The following SNX29 variants were observed in gnomAD, a reference collection of about 807,000 sequenced individuals.
SNX29 encodes the protein sorting nexin-29.
In SNX29, 78 loss-of-function variants were observed where a neutral mutation model predicts 102.1. The observed-to-expected ratio is 0.76, with a 90% CI of 0.64 to 0.92. The LOEUF (loss-of-function observed/expected upper bound fraction) is 0.92. Ranked by LOEUF, SNX29 falls within the 40% of genes least tolerant of loss-of-function variation. SNX29 has a pLI of 0.00. For synonymous variants in SNX29, 580 were observed against 414.5 expected, an observed-to-expected ratio of 1.40 and a Z score of -4.85; for missense variants, 1,280 against 1,061.7, an observed-to-expected ratio of 1.21 and a Z score of -2.86.
intron 14 of SNX29, among the ~76,000 whole-genome samples, chr16:12,235,135 T>C (rs2077887480): frequency 6.6e-6 from 1 of 152,208 alleles, no homozygotes; most frequent in East Asian, 1.9e-4. Context: ...TTCTAAGCTG[T>C]TGACCTTATC....
intron 16 of SNX29, among the ~76,000 whole-genome samples, chr16:12,396,959 C>G (rs2083746044): frequency 6.6e-6 from 1 of 152,214 alleles, no homozygotes; most frequent in South Asian, 2.1e-4. Context: ...CAGGTTAGGT[C>G]ACTGCAGCCT....
At chr16:12,079,969 C>G (rs1208604281) in intron 11 of SNX29, among the ~76,000 whole-genome samples, 1 of 152,166 alleles carries the variant, frequency 6.6e-6, no homozygotes, top group Admixed American at 6.5e-5. Flanking sequence ...ATAGTATTTT[C>G]TTCAATCATG....
intron 14 of SNX29, among the ~76,000 whole-genome samples, chr16:12,227,987 A>G (rs1417509462): frequency 2.7e-5 from 4 of 147,172 alleles, no homozygotes; most frequent in African/African-American, 1.0e-4. Flanking sequence ...CATGTTAGAG[A>G]GGCAGGATGT....
At chr16:12,521,504 A>G (rs1054083668) in intron 19 of SNX29, among the ~76,000 whole-genome samples, 1 of 152,108 alleles carries the variant, frequency 6.6e-6, no homozygotes, top group African/African-American at 2.4e-5. Context: ...CACCCCACAT[A>G]TAGTAGGAAG....
intron 13 of SNX29, among the ~76,000 whole-genome samples, chr16:12,137,604 C>A (rs2054709668): frequency 6.6e-6 from 1 of 152,198 alleles, no homozygotes; most frequent in African/African-American, 2.4e-5. Flanking sequence ...TATTGGCTTT[C>A]TATGAAGGCT....
At chr16:12,290,804 G>C (rs1174941441) in intron 15 of SNX29, among the ~76,000 whole-genome samples, 1 of 152,106 alleles carries the variant, frequency 6.6e-6, no homozygotes, top group Non-Finnish European at 1.5e-5. Context: ...TAGGAGAGTG[G>C]GGATGAGTTT....
chr16:12,172,732 G>A (rs2076176533), intron 13 of SNX29, among the ~76,000 whole-genome samples: 1 of 152,196 alleles, frequency 6.6e-6, no homozygotes, highest in Non-Finnish European at 1.5e-5. Context: ...CCTCGAGATA[G>A]GAAGGACAGA....
intron 16 of SNX29, among the ~76,000 whole-genome samples, chr16:12,369,599 A>G (rs1348810276): frequency 6.6e-6 from 1 of 152,120 alleles, no homozygotes; most frequent in East Asian, 1.9e-4. Context: ...TCATCCTAAA[A>G]ATGTGGACCC....
At chr16:12,031,710 C>T (rs1185426693) in intron 4 of SNX29, among the ~76,000 whole-genome samples, 2 of 151,936 alleles carry the variant, frequency 1.3e-5, no homozygotes, top group Non-Finnish European at 2.9e-5. Context: ...GAGGCTGAGG[C>T]AGGAGAATGG....
chr16:12,329,574 G>A (rs2081233912), intron 15 of SNX29, among the ~76,000 whole-genome samples: 1 of 152,176 alleles, frequency 6.6e-6, no homozygotes, highest in Non-Finnish European at 1.5e-5. Flanking sequence ...TTTTTCAGTG[G>A]CATAAATGAT....
chr16:12,433,930 C>T (rs1011127188), intron 18 of SNX29, among the ~76,000 whole-genome samples: 2 of 152,216 alleles, frequency 1.3e-5, no homozygotes, highest in African/African-American at 2.4e-5. Context: ...TATGCCAGTG[C>T]TTAAGGGTCA....
intron 11 of SNX29, chr16:12,086,798 G>C (rs1157244526): frequency 6.6e-6 from 1 of 152,034 alleles, no homozygotes; most frequent in Non-Finnish European, 1.5e-5. Context: ...TTAATTTGCG[G>C]CAACAATGTT....
intron 13 of SNX29, chr16:12,135,678 A>G (rs1033156828): frequency 4.9e-6 from 6 of 1,219,000 alleles, no homozygotes; most frequent in Middle Eastern, 2.3e-4. Context: ...TCTTTCCTGA[A>G]GCTGTGTTTC....
intron 18 of SNX29, among the ~76,000 whole-genome samples, chr16:12,451,835 G>T (rs1247133926): frequency 2.0e-5 from 3 of 152,230 alleles, no homozygotes; most frequent in African/African-American, 7.2e-5. Context: ...CTGCATTCTA[G>T]CCTGGGTGAC....
At chr16:12,202,837 AG>A (rs2076946210) in intron 14 of SNX29, among the ~76,000 whole-genome samples, 1 of 152,230 alleles carries the variant, frequency 6.6e-6, no homozygotes, top group Admixed American at 6.5e-5. Flanking sequence ...CAGCTCACTG[AG>A]GGGTCTGGGG....
chr16:12,201,591 G>A (rs1173315940), intron 14 of SNX29, among the ~76,000 whole-genome samples: 2 of 152,154 alleles, frequency 1.3e-5, no homozygotes, highest in Non-Finnish European at 2.9e-5. Context: ...TAACTTTACT[G>A]TGCAGAGGAA....
At chr16:12,169,974 A>T (rs763041808) in intron 13 of SNX29, among the ~76,000 whole-genome samples, 2 of 152,106 alleles carry the variant, frequency 1.3e-5, no homozygotes, top group African/African-American at 2.4e-5. Context: ...GCTGCAGGAA[A>T]TGGTAAAGAA....
chr16:12,039,209 AG>A (rs1355925521), intron 4 of SNX29, among the ~76,000 whole-genome samples: 1 of 152,256 alleles, frequency 6.6e-6, no homozygotes, highest in Non-Finnish European at 1.5e-5. Flanking sequence ...TTAATTATTA[AG>A]CAAATGCTGA....
At chr16:12,011,323 T>A (rs1354696197) in intron 3 of SNX29, among the ~76,000 whole-genome samples, 1 of 151,818 alleles carries the variant, frequency 6.6e-6, no homozygotes, top group African/African-American at 2.4e-5. Flanking sequence ...TCGCCCAGGC[T>A]GGAGTGCAGT....
Sources: gnomAD v4.1 joint callset for allele counts (sites outside exome capture counted in the v4.1 genomes callset) on GRCh38, gnomAD v4.1.1 for gene constraint, MANE v1.5 for transcripts, NCBI Gene and HGNC (gene_info 2026-07-23, HGNC 2026-07-21) for gene names.